Variants in ANTXR2 observed in about 807,000 individuals in gnomAD.
ANTXR2 encodes the protein anthrax toxin receptor 2.
ANTXR2 carries 44 observed loss-of-function variants against 73.7 expected under a neutral mutation model. That is an observed-to-expected ratio of 0.60 (90% CI 0.47 to 0.77). The LOEUF is 0.77. Ranked by LOEUF, ANTXR2 falls within the 30% of genes least tolerant of loss-of-function variation. The probability of loss-of-function intolerance (pLI) is 0.00; values close to 1 mark genes in which losing one functional copy is unlikely to be tolerated. For synonymous variants in ANTXR2, 217 were observed against 205.9 expected (o/e 1.05, Z -0.46); for missense variants, 604 against 592.5 (o/e 1.02, Z -0.20).
At chr4:79,949,216 TA>T (rs1181582147) in intron 16 of ANTXR2, among the ~76,000 whole-genome samples, 1 of 152,126 alleles carries the variant, frequency 6.6e-6, no homozygotes, top group Non-Finnish European at 1.5e-5. Flanking sequence ...AACACAGAAA[TA>T]ACATGGGTTT....
At chr4:79,974,951 T>C (rs751522967) in intron 16 of ANTXR2, among the ~76,000 whole-genome samples, 2 of 152,232 alleles carry the variant, frequency 1.3e-5, no homozygotes, top group African/African-American at 2.4e-5. Flanking sequence ...TTACCTGATA[T>C]ATGTTAGGCA....
intron 3 of ANTXR2, among the ~76,000 whole-genome samples, chr4:80,056,546 C>CT (rs1381002101): frequency 6.6e-6 from 1 of 151,800 alleles, no homozygotes; most frequent in Non-Finnish European, 1.5e-5. Context: ...TTTATGACAC[C>CT]TTCTCACCCA....
chr4:79,990,409 G>A (rs1330690866), intron 12 of ANTXR2, among the ~76,000 whole-genome samples: 5 of 112,942 alleles, frequency 4.4e-5, no homozygotes, highest in African/African-American at 1.2e-4. Context: ...AAAACACCTT[G>A]TAATACAGCT....
chr4:80,057,241 C>A (rs1477486052), intron 3 of ANTXR2, among the ~76,000 whole-genome samples: 1 of 151,910 alleles, frequency 6.6e-6, no homozygotes, highest in Non-Finnish European at 1.5e-5. Flanking sequence ...ATCATCTTAA[C>A]ATCAAGGAAC....
At chr4:79,989,755 C>A (rs1202695468) in intron 12 of ANTXR2, among the ~76,000 whole-genome samples, 4 of 152,112 alleles carry the variant, frequency 2.6e-5, no homozygotes, top group Non-Finnish European at 5.9e-5. Flanking sequence ...CAATCCAAAT[C>A]TAGCAGTGTA....
At chr4:79,945,565 A>G (rs1728487206) in intron 16 of ANTXR2, among the ~76,000 whole-genome samples, 1 of 152,140 alleles carries the variant, frequency 6.6e-6, no homozygotes, top group Admixed American at 6.6e-5. Flanking sequence ...GAAATTTTAT[A>G]TTTTCTGACT....
intron 12 of ANTXR2, among the ~76,000 whole-genome samples, chr4:80,002,333 G>C (rs1431736812): frequency 4.6e-5 from 7 of 152,144 alleles, no homozygotes; most frequent in African/African-American, 1.7e-4. Context: ...TTAATAAATG[G>C]TGCTGGGAAA....
chr4:80,072,659 G>C lies in ANTXR2; in HGVS notation c.-99C>G, dbSNP rs997607913. On this transcript the variant is annotated 5_prime_UTR_variant, in exon 1 of 17. Coordinates refer to ENST00000403729, the MANE Select transcript of ANTXR2 (RefSeq NM_058172.6). Reference sequence around the variant, plus strand: ...AGTCACCCGGCACGCACTCTGGGGTGGGGGGCGGCGAGCAGCTGAGACGCC... The same window carrying C: ...AGTCACCCGGCACGCACTCTGGGGTCGGGGGCGGCGAGCAGCTGAGACGCC... 1 of 1,338,684 alleles carries C rather than the reference G, an allele frequency of 7.5e-7. No homozygotes were observed. The allele number at this position is 1,338,684 out of a possible 1,614,324, so 82.9% of individuals were successfully genotyped here.
chr4:80,054,209 T>G, intron 7 of ANTXR2, 63 bp downstream of exon 7: 1 of 1,310,234 alleles, frequency 7.6e-7, no homozygotes, highest in East Asian at 2.4e-5. Flanking sequence ...TTAAGATTAC[T>G]TCTTATAGAT....
chr4:80,051,839 C>T (rs975154800), intron 7 of ANTXR2, among the ~76,000 whole-genome samples: 6 of 151,480 alleles, frequency 4.0e-5, no homozygotes, highest in African/African-American at 1.5e-4. Context: ...TTAATCTTTG[C>T]TATTAAGAAA....
intron 12 of ANTXR2, among the ~76,000 whole-genome samples, chr4:80,006,440 A>T (rs1168921582): frequency 6.6e-6 from 1 of 152,082 alleles, no homozygotes; most frequent in Non-Finnish European, 1.5e-5. Context: ...ATATAAGTTC[A>T]TACTTATATG....
chr4:79,993,762 A>G (rs80242079), intron 12 of ANTXR2, among the ~76,000 whole-genome samples: 13 of 66,604 alleles, frequency 2.0e-4, no homozygotes, highest in Non-Finnish European at 3.7e-4. Context: ...ACACACACGC[A>G]CACACACACA....
In ANTXR2 at chr4:79,985,963, T is replaced by G. The variant is rs894714205; in HGVS notation, c.1042-1100A>C. On this transcript the variant is annotated intron_variant, in intron 12 of 16. Transcript: ENST00000403729. ...TTCAAGCGATTCTCCTATCTCAGCA[T>G]CTGGAGTAGCTGGGATTACAGGCGC... Among the ~76,000 whole-genome samples the G allele has an allele frequency of 2.6e-5, 4 of 151,356 alleles. No individual in the cohort carries two copies. The South Asian group carries it at 8.4e-4, about 32-fold the overall frequency.
intron 12 of ANTXR2, among the ~76,000 whole-genome samples, chr4:79,999,011 T>C (rs1419254565): frequency 6.6e-6 from 1 of 152,064 alleles, no homozygotes; most frequent in East Asian, 1.9e-4. Flanking sequence ...TTACATCACA[T>C]CTCTCTGTCA....
chr4:80,003,523 G>T (rs953631196), intron 12 of ANTXR2, among the ~76,000 whole-genome samples: 3 of 151,304 alleles, frequency 2.0e-5, no homozygotes. Flanking sequence ...TAACTAACCT[G>T]CACATTGTGC....
chr4:80,011,096 A>G (rs570942746), intron 11 of ANTXR2, among the ~76,000 whole-genome samples: 1 of 152,192 alleles, frequency 6.6e-6, no homozygotes, highest in Admixed American at 6.5e-5. Flanking sequence ...GCAGTGAGCC[A>G]AGATCATGCC....
intron 12 of ANTXR2, among the ~76,000 whole-genome samples, chr4:79,993,270 A>G (rs935983082): frequency 2.0e-5 from 3 of 151,506 alleles, no homozygotes; most frequent in Admixed American, 2.0e-4. Context: ...AGGGATAAAG[A>G]AAGAGAGGGA....
intron 10 of ANTXR2, among the ~76,000 whole-genome samples, chr4:80,021,622 A>C (rs2110071902): frequency 6.6e-6 from 1 of 152,326 alleles, no homozygotes; most frequent in East Asian, 1.9e-4. Context: ...TAATGCTTAA[A>C]AAAATGAAAT....
intron 12 of ANTXR2, among the ~76,000 whole-genome samples, chr4:80,003,713 A>G (rs1560973494): frequency 6.6e-6 from 1 of 152,136 alleles, no homozygotes; most frequent in Non-Finnish European, 1.5e-5. Flanking sequence ...ACGATGAGAT[A>G]TCATTACATA....
Sources: allele counts gnomAD v4.1 joint callset (sites outside exome capture counted in the v4.1 genomes callset), GRCh38; gene constraint gnomAD v4.1.1; transcripts MANE v1.5; gene names NCBI Gene and HGNC (gene_info 2026-07-23, HGNC 2026-07-21).